UGT1A6: variants seen among roughly 807,000 people sequenced by gnomAD.
The protein encoded by UGT1A6 is UDP-glucuronosyltransferase 1A6.
A neutral mutation model predicts 44.4 loss-of-function variants in UGT1A6; 32 were observed. The observed-to-expected ratio is 0.72, with a 90% CI of 0.54 to 0.97. UGT1A6 has a LOEUF of 0.97. UGT1A6 is among the 50% of genes least tolerant of loss of function. The probability of loss-of-function intolerance (pLI) is 0.00; values close to 1 mark genes in which losing one functional copy is unlikely to be tolerated. For missense variants in UGT1A6, 685 were observed against 661.9 expected (o/e 1.03, Z -0.38); for synonymous variants, 238 against 248.5 (o/e 0.96, Z 0.40).
chr2:233,696,076 C>G (rs909359258), intron 1 of UGT1A6, among the ~76,000 whole-genome samples: 4 of 152,100 alleles, frequency 2.6e-5, no homozygotes, highest in Non-Finnish European at 5.9e-5. Flanking sequence ...CTATGAAGAA[C>G]AGTATGGAGA....
At chr2:233,734,546 C>T (rs975748353) in intron 1 of UGT1A6, among the ~76,000 whole-genome samples, 34 of 152,032 alleles carry the variant, frequency 2.2e-4, no homozygotes, top group East Asian at 1.9e-4. Flanking sequence ...TATTTCTTCC[C>T]TTCTGCTAGC....
At chr2:233,771,851 A>G (rs982853189) in intron 4 of UGT1A6, among the ~76,000 whole-genome samples, 2 of 135,436 alleles carry the variant, frequency 1.5e-5, no homozygotes, top group Non-Finnish European at 3.0e-5. Context: ...CTTCTTTTTC[A>G]AGAGATCAAT....
At chr2:233,753,469 A>T (rs28900386) in intron 1 of UGT1A6, 9 of 152,358 alleles carry the variant, frequency 5.9e-5, no homozygotes, top group African/African-American at 1.9e-4. Flanking sequence ...TCTGTAAAAA[A>T]TTACCAGCAT....
In UGT1A6 at chr2:233,767,881, G is replaced by A. The variant is rs1468683280; in HGVS notation, c.1026G>A (p.Ser342=). The A allele has an allele frequency of 1.1e-5, 17 of 1,613,962 alleles. No individual in the cohort carries two copies. The highest frequency in any genetic ancestry group is 1.2e-5 in the Non-Finnish European group (14 of 1,180,050). ...VLWRYTGTRP[S]NLANNTILVK... is the part of the protein sequence containing the mutation. ...GGCGGTACACTGGAACCCGACCATC[G>A]AATCTTGCGAACAACACGATACTTG... The change falls in exon 3 of 5, where the codon TCG becomes TCA. Residue 342 remains serine, a synonymous_variant. Transcript: ENST00000305139.
At chr2:233,718,762 A>T in intron 1 of UGT1A6, 1 of 1,612,640 alleles carries the variant, frequency 6.2e-7, no homozygotes, top group African/African-American at 1.3e-5. Context: ...AGGCGAAGGA[A>T]ACAAATGTAG....
intron 1 of UGT1A6, among the ~76,000 whole-genome samples, chr2:233,695,578 A>G (rs1303216360): frequency 6.6e-6 from 1 of 150,450 alleles, no homozygotes; most frequent in Non-Finnish European, 1.5e-5. Context: ...CCCCTTCCCT[A>G]CTTACCCTTT....
At chr2:233,746,132 G>C (rs998349575) in intron 1 of UGT1A6, among the ~76,000 whole-genome samples, 5 of 151,792 alleles carry the variant, frequency 3.3e-5, no homozygotes, top group African/African-American at 1.2e-4. Context: ...CTGTGGACTG[G>C]CACCTGAGTG....
chr2:233,745,544 C>T (rs1418147485), intron 1 of UGT1A6, among the ~76,000 whole-genome samples: 1 of 151,628 alleles, frequency 6.6e-6, no homozygotes, highest in Non-Finnish European at 1.5e-5. Context: ...GTCACCAGAA[C>T]AAACTTCTAA....
rs200788361 is a variant in UGT1A6, at chr2:233,713,487, T to C, written c.861+19622T>C. ...CGCGGCGGTGCTGGCTAAGTACCTG[T>C]CGATTCCTGCTGTGTTTTTCTTGAG... On this transcript the variant is annotated intron_variant, in intron 1 of 4. Transcript: ENST00000305139. 2.0e-5 allele frequency: 33 copies of C among 1,614,038 alleles called. No homozygotes were observed. The East Asian group carries it at 7.1e-4, about 35-fold the overall frequency.
chr2:233,731,329 A>C (rs1284025044), intron 1 of UGT1A6, among the ~76,000 whole-genome samples: 2 of 150,010 alleles, frequency 1.3e-5, no homozygotes, highest in Admixed American at 6.7e-5. Context: ...GTACATGTGC[A>C]CAAATTGCAG....
At chr2:233,749,912 GT>G (rs559529572) in intron 1 of UGT1A6, among the ~76,000 whole-genome samples, 2 of 151,864 alleles carry the variant, frequency 1.3e-5, no homozygotes, top group African/African-American at 4.9e-5. Context: ...ACCTGGAACT[GT>G]GAGTCAATTA....
Position 233,720,480 on chromosome 2 carries a change from G to GTCCAAGAAGGGACTTCTGGTGAGGA in UGT1A6, c.861+26627_861+26628insCTTCTGGTGAGGATCCAAGAAGGGA, listed in dbSNP as rs2076862998. Among the ~76,000 whole-genome samples the GTCCAAGAAGGGACTTCTGGTGAGGA allele has an allele frequency of 3.3e-5, 5 of 152,228 alleles. No individual in the cohort carries two copies. In the South Asian group the frequency reaches 1.0e-3, roughly 32 times the overall value. ...TGGGACCAGTGATGAATGGACATGT[G>GTCCAAGAAGGGACTTCTGGTGAGGA]TCCAAGAAGGGAAGTGTTTCTCAGG... On this transcript the variant is annotated intron_variant, in intron 1 of 4. Transcript: ENST00000305139.
chr2:233,754,865 T>C, intron 1 of UGT1A6: 1 of 1,351,074 alleles, frequency 7.4e-7, no homozygotes, highest in Non-Finnish European at 9.9e-7. Flanking sequence ...GTGCAGACCC[T>C]CTGCTTCTGC....
At chr2:233,755,966 T>C (rs1157014475) in intron 1 of UGT1A6, 5 of 152,190 alleles carry the variant, frequency 3.3e-5, no homozygotes, top group African/African-American at 7.2e-5. Context: ...CTTGGCTCTA[T>C]AGAGAGGTGG....
intron 1 of UGT1A6, chr2:233,729,385 G>A (rs1328190991): frequency 1.9e-6 from 3 of 1,613,954 alleles, no homozygotes; most frequent in African/African-American, 1.3e-5. Flanking sequence ...GTGGACCCAG[G>A]ATGAATTTGA....
At chr2:233,722,804 C>G (rs1575543281) in intron 1 of UGT1A6, among the ~76,000 whole-genome samples, 2 of 147,930 alleles carry the variant, frequency 1.4e-5, no homozygotes, top group Non-Finnish European at 3.0e-5. Context: ...TCATCTCCCT[C>G]TTATTTTTTC....
At chr2:233,692,000 T>C (rs2075071935), upstream of UGT1A6, 1 of 152,182 alleles carries the variant, frequency 6.6e-6, no homozygotes, top group Non-Finnish European at 1.5e-5. Flanking sequence ...GTAAAGGAGA[T>C]GTAAAGTCTC....
rs181518181 is a variant in UGT1A6 at position 233,744,372 on chromosome 2, A to G, written c.862-22662A>G. ...AAGACATCCTGTTGTTTAGGACTGC[A>G]GTTCTCCAACGTTCCAGCCCCGGTG... On this transcript the variant is annotated intron_variant, in intron 1 of 4. Transcript: ENST00000305139. Among the ~76,000 whole-genome samples the G allele has an allele frequency of 2.4e-4, 37 of 152,006 alleles. 1 individual carries two copies. Among genetic ancestry groups the G allele is most frequent in the South Asian group, 4.1e-4 (2 of 4,828 alleles).
intron 1 of UGT1A6, among the ~76,000 whole-genome samples, chr2:233,747,015 G>C (rs911515983): frequency 6.6e-6 from 1 of 151,822 alleles, no homozygotes; most frequent in African/African-American, 2.4e-5. Flanking sequence ...AGGAGTGATC[G>C]GTCTTTCCCG....
Sources: allele counts gnomAD v4.1 joint callset (sites outside exome capture counted in the v4.1 genomes callset), GRCh38; gene constraint gnomAD v4.1.1; transcripts MANE v1.5; gene names NCBI Gene and HGNC (gene_info 2026-07-23, HGNC 2026-07-21).